EPG5: variants seen among roughly 807,000 people sequenced by gnomAD.
EPG5 encodes the protein ectopic P-granules 5 autophagy tethering factor, also known as ectopic P granules protein 5 homolog.
Under a neutral mutation model 302.7 loss-of-function variants are expected in EPG5, and 159 were observed. The ratio of observed to expected loss-of-function variants is 0.53; its 90% CI spans 0.46 to 0.60. The LOEUF (loss-of-function observed/expected upper bound fraction) is 0.60, where lower values mean the gene tolerates loss of function less well. EPG5 is among the 20% of genes least tolerant of loss of function. EPG5 has a pLI of 0.00. For synonymous variants in EPG5, 1,158 were observed against 1,136.8 expected, an observed-to-expected ratio of 1.02 and a Z score of -0.37; for missense variants, 2,896 against 3,092.4, an observed-to-expected ratio of 0.94 and a Z score of 1.51.
intron 28 of EPG5, among the ~76,000 whole-genome samples, chr18:45,888,300 AT>A (rs2049262280): frequency 6.7e-6 from 1 of 148,882 alleles, no homozygotes; most frequent in Non-Finnish European, 1.5e-5. Context: ...TATTTATTTT[AT>A]TTTATTTATT....
rs540350461 is a variant in EPG5 at position 45,926,727 on chromosome 18, C to G, written c.2554-825G>C. ...CCAACTACTCAGGAGGCAGGAGAAT[C>G]GCTTGAACCCATTGGCGGAGGTTGC... On this transcript the variant is annotated intron_variant, in intron 13 of 43. Transcript: ENST00000282041. Among the ~76,000 whole-genome samples, 407 of 151,614 alleles carry G rather than the reference C, an allele frequency of 2.7e-3. 3 individuals are homozygous for G. Among genetic ancestry groups the G allele is most frequent in the African/African-American group, 9.4e-3 (389 of 41,354 alleles).
At chr18:45,945,770 A>T (rs1177406854) in intron 7 of EPG5, among the ~76,000 whole-genome samples, 1 of 152,078 alleles carries the variant, frequency 6.6e-6, no homozygotes, top group Non-Finnish European at 1.5e-5. Context: ...TTCTAGCAAA[A>T]ATGCCTGCAC....
intron 16 of EPG5, among the ~76,000 whole-genome samples, chr18:45,918,168 C>T (rs550568154): frequency 1.7e-4 from 26 of 152,240 alleles, no homozygotes; most frequent in Non-Finnish European, 2.9e-4. Flanking sequence ...TCCTAAGAGC[C>T]GTAGGGACTC....
chr18:45,954,333 TG>T, intron 2 of EPG5, 60 bp downstream of exon 2: 2 of 1,476,442 alleles, frequency 1.4e-6, no homozygotes, highest in Non-Finnish European at 1.8e-6. Context: ...ACTCCAGACC[TG>T]GACAACATCC....
chr18:45,962,067 GT>G (rs35221771), intron 1 of EPG5, among the ~76,000 whole-genome samples: 17,702 of 152,050 alleles, frequency 0.12, 1,489 homozygotes, highest in East Asian at 0.29. Context: ...GTTCTTTGGG[GT>G]TTTTTCTCTT....
chr18:45,842,315 T>G, the EPG5 span: 1 of 918,856 alleles, frequency 1.1e-6, no homozygotes, highest in Non-Finnish European at 1.7e-6. Flanking sequence ...GCTCCTCCCC[T>G]GCTCAAGGTC....
intron 22 of EPG5, among the ~76,000 whole-genome samples, chr18:45,911,435 G>A (rs1295154304): frequency 2.0e-5 from 3 of 151,400 alleles, no homozygotes; most frequent in East Asian, 1.9e-4. Flanking sequence ...GCAGGCACCC[G>A]CCACCACGCC....
intron 10 of EPG5, among the ~76,000 whole-genome samples, chr18:45,937,532 G>T (rs544144261): frequency 4.6e-5 from 7 of 151,898 alleles, no homozygotes; most frequent in Non-Finnish European, 1.0e-4. Flanking sequence ...TCAGCCTCCC[G>T]AGTAGCTGGG....
the EPG5 span, among the ~76,000 whole-genome samples, chr18:45,824,428 G>C: frequency 7.6e-4 from 115 of 152,206 alleles, 1 homozygote; most frequent in East Asian, 0.022. Context: ...AGATGGTCTC[G>C]ATCTCCTGAC....
At chr18:45,924,101 CAATA>C (rs2050216342) in intron 14 of EPG5, among the ~76,000 whole-genome samples, 1 of 151,754 alleles carries the variant, frequency 6.6e-6, no homozygotes, top group Admixed American at 6.6e-5. Context: ...TCATTAGTTA[CAATA>C]AATAAGACAC....
chr18:45,872,405 TA>T (rs1238960490), intron 35 of EPG5, among the ~76,000 whole-genome samples: 2 of 152,136 alleles, frequency 1.3e-5, no homozygotes, highest in African/African-American at 2.4e-5. Flanking sequence ...ACAAATCTTT[TA>T]AAAAATGGCC....
At chr18:45,934,085 T>C (rs2050462152) in intron 11 of EPG5, among the ~76,000 whole-genome samples, 1 of 152,120 alleles carries the variant, frequency 6.6e-6, no homozygotes, top group South Asian at 2.1e-4. Flanking sequence ...GGTCAGGAGT[T>C]CAAGACCAGC....
At position 45,876,315 on chromosome 18, in the gene EPG5, T is replaced by C. The variant is rs1368807666; in HGVS notation, c.5970A>G (p.Leu1990=). The part of the protein sequence containing the change: ...ESSQQRHYPW[L]ESDTVVASSI... Reference sequence around the variant, plus strand: ...TTGAGGCCACCACAGTATCACTCTCTAGCCAGGGGTAATGCCGCTGTTGGC... The same window carrying C: ...TTGAGGCCACCACAGTATCACTCTCCAGCCAGGGGTAATGCCGCTGTTGGC... Residue 1990 remains leucine (L), a synonymous_variant, in exon 35 of 44, where the codon CTA becomes CTG. Coordinates refer to ENST00000282041, the MANE Select transcript of EPG5 (RefSeq NM_020964.3). 1 of 1,613,802 alleles carries C rather than the reference T, an allele frequency of 6.2e-7. No homozygotes were observed. The highest frequency in any genetic ancestry group is 2.2e-5 in the East Asian group (1 of 44,876).
downstream of EPG5, among the ~76,000 whole-genome samples, chr18:45,847,311 CT>C (rs1271924950): frequency 6.6e-6 from 1 of 152,180 alleles, no homozygotes; most frequent in African/African-American, 2.4e-5. Context: ...AGCACCCCCA[CT>C]CCCACCTCAT....
chr18:45,883,997 A>C (rs1261710338), intron 30 of EPG5, among the ~76,000 whole-genome samples: 1 of 151,922 alleles, frequency 6.6e-6, no homozygotes, highest in Non-Finnish European at 1.5e-5. Context: ...GCTTATTCTA[A>C]ATATGAGAGA....
At chr18:45,953,883 T>C in intron 2 of EPG5, 1 of 985,296 alleles carries the variant, frequency 1.0e-6, no homozygotes, top group Non-Finnish European at 1.2e-6. Context: ...TTCAGTTTCC[T>C]CATCCCTTCT....
At chr18:45,896,280 T>C (rs919546551) in intron 27 of EPG5, among the ~76,000 whole-genome samples, 1 of 152,260 alleles carries the variant, frequency 6.6e-6, no homozygotes, top group Non-Finnish European at 1.5e-5. Flanking sequence ...TTATTGATAC[T>C]GAACTTCTAG....
chr18:45,916,560 A>G lies in EPG5; in HGVS notation c.3262T>C (p.Phe1088Leu). ...GGGACACCGCTGTCCAAGTGTAGGA[A>G]CAAGAGGAGATGCGATAAAAACCTG... Reference protein sequence around the residue: ...NEQFLSHLLLFLHLDSGVPQG... With the variant: ...NEQFLSHLLLLLHLDSGVPQG... The change falls in exon 18 of 44, where the codon TTC becomes CTC. Residue 1088 changes from phenylalanine (F) to leucine (L), a missense_variant. Physicochemically the swap from Phe to Leu is conservative, Grantham distance 22. Around this residue, in one of 5 missense-constraint regions of EPG5, gnomAD observed 1,390 missense variants for 1,430.0 expected, o/e 0.97. Transcript: ENST00000282041. 1 of 1,603,400 alleles carries G rather than the reference A, an allele frequency of 6.2e-7. No homozygotes were observed. The highest frequency in any genetic ancestry group is 2.2e-5 in the East Asian group (1 of 44,466).
chr18:45,832,140 T>C, the EPG5 span, among the ~76,000 whole-genome samples: 2 of 152,352 alleles, frequency 1.3e-5, no homozygotes, highest in Admixed American at 1.3e-4. Context: ...TATGGAGCAT[T>C]TGCTGTGTGT....
Sources: gnomAD v4.1 joint callset for allele counts (sites outside exome capture counted in the v4.1 genomes callset) on GRCh38, gnomAD v4.1.1 for gene constraint, gnomAD v4.1.1 regional missense constraint, MANE v1.5 for transcripts, NCBI Gene and HGNC (gene_info 2026-07-23, HGNC 2026-07-21) for gene names.